FSIP2: variants seen among roughly 807,000 people sequenced by gnomAD.
The protein encoded by FSIP2 is fibrous sheath interacting protein 2.
A neutral mutation model predicts 510.5 loss-of-function variants in FSIP2; 367 were observed. That is an observed-to-expected ratio of 0.72 (90% CI 0.66 to 0.78). The LOEUF (loss-of-function observed/expected upper bound fraction) is 0.78, where lower values mean the gene tolerates loss of function less well. Among genes scored for constraint, FSIP2 ranks in the 30% least tolerant of loss-of-function variants. The probability of loss-of-function intolerance (pLI) is 0.00; values close to 1 mark genes in which losing one functional copy is unlikely to be tolerated. For missense variants in FSIP2, 7,594 were observed against 7,901.7 expected (o/e 0.96, Z 1.48); for synonymous variants, 2,601 against 2,732.2 (o/e 0.95, Z 1.50).
chr2:185,739,144 G>A (rs1691866783), intron 1 of FSIP2, 151 bp downstream of exon 1: 3 of 1,201,148 alleles, frequency 2.5e-6, no homozygotes, highest in Non-Finnish European at 3.4e-6. Flanking sequence ...CGGTGGCGGT[G>A]GCTCGGACTG....
intron 7 of FSIP2, among the ~76,000 whole-genome samples, chr2:185,752,472 C>G (rs957696335): frequency 6.6e-6 from 1 of 151,146 alleles, no homozygotes; most frequent in Non-Finnish European, 1.5e-5. Context: ...CGGTTTTCAT[C>G]AAATTTGAAA....
At position 185,805,336 on chromosome 2, in the gene FSIP2, G is replaced by C. The variant is rs1014029331; in HGVS notation, c.16030G>C (p.Asp5344His). ...AEKMFSFPPIDKETVDKISNF... is the reference protein window; with the variant it reads ...AEKMFSFPPIHKETVDKISNF... ...AAAAATGTTTTCTTTTCCACCAATT[G>C]ATAAAGAGACAGTTGATAAAATATC... is the stretch of plus-strand genomic sequence containing the variant. Residue 5344 changes from aspartate (D) to histidine (H), a missense_variant, in exon 17 of 23, where the codon GAT becomes CAT. By Grantham distance (81) the Asp-to-His change is moderately conservative. Transcript: ENST00000424728. The C allele has an allele frequency of 1.3e-6, 2 of 1,598,898 alleles. No homozygotes were observed. Among genetic ancestry groups the C allele is most frequent in the African/African-American group, 1.4e-5 (1 of 73,790 alleles).
chr2:185,793,701 T>C lies in FSIP2; in HGVS notation c.6565T>C (p.Phe2189Leu). Residue 2189 changes from phenylalanine to leucine, a missense_variant, in exon 16 of 23, where the codon TTT becomes CTT. Phe to Leu is a conservative substitution (Grantham distance 22). Coordinates refer to ENST00000424728, the MANE Select transcript of FSIP2 (RefSeq NM_173651.4). ...NPTSARLPLT[F>L]CDTFPKIDCQ... The stretch of plus-strand genomic sequence containing the variant: ...TACTTCTGCAAGATTGCCCCTGACA[T>C]TTTGTGATACGTTTCCAAAAATAGA... 1 of 1,534,790 alleles carries C rather than the reference T, an allele frequency of 6.5e-7. No homozygotes were observed. The highest frequency in any genetic ancestry group is 8.7e-7 in the Non-Finnish European group (1 of 1,145,882).
chr2:185,765,841 C>T (rs2105565437), intron 13 of FSIP2: 2 of 151,602 alleles, frequency 1.3e-5, no homozygotes, highest in Non-Finnish European at 2.9e-5. Flanking sequence ...TTGTAGTTCT[C>T]CTTGAAGAGG....
At chr2:185,768,385 T>C (rs1031840710) in intron 13 of FSIP2, among the ~76,000 whole-genome samples, 9 of 152,112 alleles carry the variant, frequency 5.9e-5, no homozygotes, top group African/African-American at 2.2e-4. Context: ...TACACTTTTA[T>C]GCCTTAAGGC....
chr2:185,830,783 T>G (rs922052807), intron 21 of FSIP2, among the ~76,000 whole-genome samples: 6 of 151,828 alleles, frequency 4.0e-5, no homozygotes, highest in Non-Finnish European at 8.8e-5. Context: ...TGTCTACTCA[T>G]CTCCTTTTAG....
chr2:185,820,883 C>A, intron 19 of FSIP2, among the ~76,000 whole-genome samples: 1 of 150,186 alleles, frequency 6.7e-6, no homozygotes, highest in Admixed American at 6.6e-5. Context: ...AACTTTACAC[C>A]TTAGGGAACT....
In FSIP2 at chr2:185,808,892, C is replaced by A. The variant is rs1235004966; in HGVS notation, c.19586C>A (p.Pro6529Gln). The change falls in exon 17 of 23, where the codon CCA (proline) becomes CAA (glutamine). Residue 6529 changes from proline (P) to glutamine (Q), a missense_variant. Transcript: ENST00000424728. ...IKIVPHVGKKPVKIDPKIISE... is the reference protein window; with the variant it reads ...IKIVPHVGKKQVKIDPKIISE... Reference sequence around the variant, plus strand: ...ATAGTTCCACATGTTGGAAAAAAACCAGTCAAAATAGATCCAAAAATTATT... The same window carrying A: ...ATAGTTCCACATGTTGGAAAAAAACAAGTCAAAATAGATCCAAAAATTATT... 6.2e-7 allele frequency: 1 copy of A among 1,604,988 alleles called. No individual in the cohort carries two copies. The highest frequency in any genetic ancestry group is 8.5e-7 in the Non-Finnish European group (1 of 1,177,468).
chr2:185,832,079 C>T (rs1694119005), intron 22 of FSIP2, among the ~76,000 whole-genome samples, 197 bp downstream of exon 22: 1 of 151,640 alleles, frequency 6.6e-6, no homozygotes, highest in African/African-American at 2.4e-5. Flanking sequence ...ATCTTTACAC[C>T]AAAGGGACAA....
At position 185,793,142 on chromosome 2, in the gene FSIP2, T is replaced by G. The variant is rs1369887414; in HGVS notation, c.6006T>G (p.Tyr2002Ter). The G allele has an allele frequency of 1.3e-6, 2 of 1,534,342 alleles. No individual in the cohort carries two copies. Among genetic ancestry groups the G allele is most frequent in the East Asian group, 2.4e-5 (1 of 40,834 alleles). ...TGTCTTTGTCTAAATTAAATACTTATGCACTACAAGTGGCTAGAAGAAATT... is the reference window on the plus strand; with the variant it reads ...TGTCTTTGTCTAAATTAAATACTTAGGCACTACAAGTGGCTAGAAGAAATT... The part of the protein sequence containing the change: ...CQLSLSKLNT[Y>*]ALQVARRNLQ... The change falls in exon 16 of 23, where the codon TAT (tyrosine) becomes TAG (stop). Residue 2002 changes from tyrosine to a stop codon, truncating the protein, a stop_gained. Transcript: ENST00000424728. LOFTEE classifies it high-confidence loss of function.
At chr2:185,764,602 T>C (rs1475330587) in intron 13 of FSIP2, 37 bp downstream of exon 13, 1 of 1,305,138 alleles carries the variant, frequency 7.7e-7, no homozygotes, top group African/African-American at 1.5e-5. Flanking sequence ...AAATCTTGCA[T>C]TCTATTTATT....
intron 9 of FSIP2, among the ~76,000 whole-genome samples, chr2:185,757,932 T>C (rs1049274021): frequency 2.6e-5 from 4 of 151,156 alleles, no homozygotes; most frequent in Non-Finnish European, 5.9e-5. Flanking sequence ...TCATGCTGTT[T>C]ATTTGCAGTC....
Position 185,800,292 on chromosome 2 carries a change from ACAAATTGGT to A in FSIP2, c.10990_10998del (p.Ile3664_Gln3666del). 6.5e-7 allele frequency: 1 copy of A among 1,534,138 alleles called. No individual in the cohort carries two copies. The highest frequency in any genetic ancestry group is 8.7e-7 in the Non-Finnish European group (1 of 1,145,654). ...CCAGAGACTGGCAATTTTCTACTCA[ACAAATTGGT>A]CAACTTTTTCAAAAAAATAAGTTAA... On this transcript the variant is annotated inframe_deletion, in exon 17 of 23. Transcript: ENST00000424728.
intron 12 of FSIP2, 143 bp from the exon 13 acceptor site, chr2:185,764,359 G>C: frequency 1.9e-6 from 1 of 516,950 alleles, no homozygotes; most frequent in Non-Finnish European, 3.4e-6. Flanking sequence ...TAATAAAAAC[G>C]TGCATTTCTT....
chr2:185,739,753 T>C (rs1380637950), intron 2 of FSIP2, among the ~76,000 whole-genome samples: 2 of 152,178 alleles, frequency 1.3e-5, no homozygotes, highest in Non-Finnish European at 1.5e-5. Context: ...CATATATACT[T>C]ATATAGTAAG....
chr2:185,809,283 TAC>T (rs1462241019), intron 17 of FSIP2, 150 bp downstream of exon 17: 1 of 817,178 alleles, frequency 1.2e-6, no homozygotes, highest in Admixed American at 3.6e-5. Context: ...AGTTCATCCA[TAC>T]AGTCATATTA....
Position 185,793,482 on chromosome 2 carries a change from C to A in FSIP2, c.6346C>A (p.Pro2116Thr), listed in dbSNP as rs991107335. Residue 2116 changes from proline to threonine, a missense_variant, in exon 16 of 23, where the codon CCC (proline) becomes ACC (threonine). Pro to Thr is a conservative substitution (Grantham distance 38). Transcript: ENST00000424728. ...TCAGAATAATCTCTCATTTGCCACA[C>A]CCACTCTGAAATGTAGCATAGCTGA... is the stretch of plus-strand genomic sequence containing the variant. ...LFQNNLSFAT[P>T]TLKCSIADKH... is the part of the protein sequence containing the mutation. 5.9e-6 allele frequency: 9 copies of A among 1,534,210 alleles called. No individual in the cohort carries two copies. Among genetic ancestry groups the A allele is most frequent in the Non-Finnish European group, 7.0e-6 (8 of 1,145,626 alleles).
Position 185,767,428 on chromosome 2 carries a change from C to T in FSIP2, c.1411+2863C>T, listed in dbSNP as rs374722211. On this transcript the variant is annotated intron_variant, in intron 13 of 22. Transcript: ENST00000424728. ...ACACTGTTGTACATTAGATCTTCCA[C>T]ACTTATTCATCTTATATATCCTCCT... 4.0e-4 allele frequency among the ~76,000 whole-genome samples: 61 copies of T among 152,212 alleles called. 1 individual carries two copies. Among genetic ancestry groups the T allele is most frequent in the South Asian group, 2.9e-3 (14 of 4,826 alleles).
At chr2:185,824,290 A>AT in intron 19 of FSIP2, 144 bp from the exon 20 acceptor site, 1 of 638,746 alleles carries the variant, frequency 1.6e-6, no homozygotes. Context: ...ATCAGAAATC[A>AT]TTTTTATGTG....
Sources: gnomAD v4.1 joint callset for allele counts (sites outside exome capture counted in the v4.1 genomes callset) on GRCh38, gnomAD v4.1.1 for gene constraint, MANE v1.5 for transcripts, NCBI Gene and HGNC (gene_info 2026-07-23, HGNC 2026-07-21) for gene names.